PPP1R9B: variants seen among roughly 807,000 people sequenced by gnomAD.
PPP1R9B encodes protein phosphatase 1 regulatory subunit 9B.
Under a neutral mutation model 75.8 loss-of-function variants are expected in PPP1R9B, and 17 were observed. The ratio of observed to expected loss-of-function variants is 0.22; its 90% CI spans 0.15 to 0.34. The LOEUF is 0.34. Among genes scored for constraint, PPP1R9B ranks in the 10% least tolerant of loss-of-function variants. The pLI is 1.00. For missense variants in PPP1R9B, 875 were observed against 1,196.0 expected, an observed-to-expected ratio of 0.73 and a Z score of 3.96; for synonymous variants, 509 against 535.4, an observed-to-expected ratio of 0.95 and a Z score of 0.68.
At chr17:50,141,673 A>C (rs1166737924) in intron 3 of PPP1R9B, among the ~76,000 whole-genome samples, 3 of 151,796 alleles carry the variant, frequency 2.0e-5, no homozygotes, top group East Asian at 1.9e-4. Context: ...AAAAAAAAAA[A>C]AAAACAAAAA....
In PPP1R9B at chr17:50,149,593, C is replaced by T. The variant is rs755152686; in HGVS notation, c.921G>A (p.Gly307=). The T allele has an allele frequency of 2.5e-6, 4 of 1,569,806 alleles. No individual in the cohort carries two copies. Among genetic ancestry groups the T allele is most frequent in the Admixed American group, 3.6e-5 (2 of 56,162 alleles). ...KIKPVEVEES[G]ESEAESAPGE... is the part of the protein sequence containing the mutation. ...CGGGCGCCGACTCGGCCTCCGACTC[C>T]CCGCTCTCCTCCACCTCCACCGGCT... The change falls in exon 1 of 10, where the codon GGG becomes GGA. Residue 307 remains glycine, a synonymous_variant. Transcript: ENST00000612501. This position sits in a 1 kb window ranked among gnomAD's most constrained non-coding sequence, Gnocchi z 7.2.
Position 50,142,999 on chromosome 17 carries a change from TC to T in PPP1R9B, c.1625+598del, listed in dbSNP as rs35497629. On this transcript the variant is annotated intron_variant, in intron 3 of 9. Coordinates refer to ENST00000612501, the MANE Select transcript of PPP1R9B (RefSeq NM_032595.5). The surrounding 1 kb of genome is among the most constrained non-coding windows in gnomAD (Gnocchi z 4.1). ...CTCCCTCAGCACAGCTAACTCCTGC[TC>T]CAGCCTTAGCTCTCAGCTCCAGCAC... Among the ~76,000 whole-genome samples the T allele has an allele frequency of 0.18, 27,361 of 152,202 alleles. 2,731 individuals are homozygous for T. The highest frequency in any genetic ancestry group is 0.31 in the Middle Eastern group (90 of 294).
Position 50,149,085 on chromosome 17 carries a change from G to C in PPP1R9B, c.1371+58C>G. The stretch of plus-strand genomic sequence containing the variant: ...CCCGGCTGGCTGGCTGGCGAGCGGG[G>C]GCGGCCGCGTGCACGTGGCAGGGGC... On this transcript the variant is annotated intron_variant, in intron 1 of 9. Transcript: ENST00000612501. The surrounding 1 kb of genome is among the most constrained non-coding windows in gnomAD (Gnocchi z 7.2). The C allele has an allele frequency of 7.8e-7, 1 of 1,285,072 alleles. No homozygotes were observed. Among genetic ancestry groups the C allele is most frequent in the Non-Finnish European group, 1.0e-6 (1 of 985,544 alleles). The allele number at this position is 1,285,072 out of a possible 1,614,324, so 79.6% of individuals were successfully genotyped here. A position where few individuals can be genotyped will look rare whatever the true frequency, so the allele number is the denominator to read the frequency against.
chr17:50,140,730 C>A (rs931686318), intron 4 of PPP1R9B, among the ~76,000 whole-genome samples: 1 of 152,204 alleles, frequency 6.6e-6, no homozygotes, highest in African/African-American at 2.4e-5. Flanking sequence ...CATCCTGTTT[C>A]TCTCCACCAC....
At chr17:50,143,852 G>A in intron 2 of PPP1R9B, 134 bp from the exon 3 acceptor site, 1 of 1,273,686 alleles carries the variant, frequency 7.9e-7, no homozygotes, top group Non-Finnish European at 1.1e-6. Flanking sequence ...CTGAAGAAGG[G>A]ATATAGTTCT....
Position 50,139,987 on chromosome 17 carries a change from GT to G in PPP1R9B, c.1866+105del. On this transcript the variant is annotated intron_variant, in intron 5 of 9. Coordinates refer to ENST00000612501, the MANE Select transcript of PPP1R9B (RefSeq NM_032595.5). This position sits in a 1 kb window ranked among gnomAD's most constrained non-coding sequence, Gnocchi z 5.0. ...TGACTGGAGGACAGGGAATGGCACT[GT>G]GGGCTTTTTACTAGGGCAGGGGAAG... The G allele has an allele frequency of 7.9e-7, 1 of 1,271,848 alleles. No homozygotes were observed. Among genetic ancestry groups the G allele is most frequent in the East Asian group, 2.5e-5 (1 of 40,736 alleles). 78.8% of individuals were successfully genotyped at this position (1,271,848 alleles called of 1,614,324 possible).
In PPP1R9B at chr17:50,134,653, C is replaced by G. The variant is rs1269283557; in HGVS notation, c.*678G>C. 1 of 153,004 alleles carries G rather than the reference C, an allele frequency of 6.5e-6. No individual in the cohort carries two copies. The highest frequency in any genetic ancestry group is 1.5e-5 in the Non-Finnish European group (1 of 68,334). 9.5% of individuals were successfully genotyped at this position (153,004 alleles called of 1,614,324 possible). On this transcript the variant is annotated 3_prime_UTR_variant, in exon 10 of 10. Coordinates refer to ENST00000612501, the MANE Select transcript of PPP1R9B (RefSeq NM_032595.5). The stretch of plus-strand genomic sequence containing the variant: ...GGAGCTGGGGACCAGGTGTCCTGAA[C>G]TCTCCCTTTTTCCCACTCTCACTCC...
In PPP1R9B at chr17:50,149,601, C is replaced by T. The variant is rs1315290360; in HGVS notation, c.913G>A (p.Glu305Lys). Residue 305 changes from glutamate to lysine, a missense_variant, in exon 1 of 10, where the codon GAG (glutamate) becomes AAG (lysine). Physicochemically the swap from Glu to Lys is moderately conservative, Grantham distance 56. Around this residue, in one of 4 missense-constraint regions of PPP1R9B, gnomAD observed 449 missense variants for 475.0 expected, o/e 0.95. Coordinates refer to ENST00000612501, the MANE Select transcript of PPP1R9B (RefSeq NM_032595.5). The surrounding 1 kb of genome is among the most constrained non-coding windows in gnomAD (Gnocchi z 7.2). ...VRKIKPVEVE[E>K]SGESEAESAP... ...GACTCGGCCTCCGACTCCCCGCTCT[C>T]CTCCACCTCCACCGGCTTAATCTTG... is the stretch of plus-strand genomic sequence containing the variant. 3.2e-6 allele frequency: 5 copies of T among 1,559,944 alleles called. No individual in the cohort carries two copies. Among genetic ancestry groups the T allele is most frequent in the Non-Finnish European group, 4.3e-6 (5 of 1,158,034 alleles).
intron 1 of PPP1R9B, among the ~76,000 whole-genome samples, chr17:50,147,325 G>A (rs1262710732): frequency 6.6e-6 from 1 of 152,250 alleles, no homozygotes; most frequent in East Asian, 1.9e-4. Flanking sequence ...ACCTCCAGAA[G>A]GGCAACAATT....
At position 50,150,374 on chromosome 17, in the gene PPP1R9B, T is replaced by C. The variant is rs971522976; in HGVS notation, c.140A>G (p.His47Arg). ...GPDEAPKGAH[H>R]KKYGSNVHRI... Reference sequence around the variant, plus strand: ...GTGGACGTTGGAGCCATATTTCTTGTGGTGGGCCCCCTTGGGTGCCTCGTC... The same window carrying C: ...GTGGACGTTGGAGCCATATTTCTTGCGGTGGGCCCCCTTGGGTGCCTCGTC... The change falls in exon 1 of 10, where the codon CAC becomes CGC. Residue 47 changes from histidine (H) to arginine (R), a missense_variant. By Grantham distance (29) the His-to-Arg change is conservative (BLOSUM62 0). Transcript: ENST00000612501. This position sits in a 1 kb window ranked among gnomAD's most constrained non-coding sequence, Gnocchi z 8.7. 4.9e-6 allele frequency: 7 copies of C among 1,420,466 alleles called. No homozygotes were observed. The African/African-American group carries it at 7.6e-5, about 15-fold the overall frequency. 88.0% of individuals were successfully genotyped at this position (1,420,466 alleles called of 1,614,324 possible). A position where few individuals can be genotyped will look rare whatever the true frequency, so the allele number is the denominator to read the frequency against.
intron 1 of PPP1R9B, among the ~76,000 whole-genome samples, chr17:50,145,650 G>A (rs1426792544): frequency 6.7e-6 from 1 of 150,020 alleles, no homozygotes; most frequent in Non-Finnish European, 1.5e-5. Context: ...GACACAGAGA[G>A]GAAGGAACAG....
intron 1 of PPP1R9B, 142 bp from the exon 2 acceptor site, chr17:50,145,387 G>A: frequency 9.3e-7 from 1 of 1,077,406 alleles, no homozygotes; most frequent in Non-Finnish European, 1.4e-6. Flanking sequence ...CCAGTCCCCT[G>A]AGACCCCAGC....
chr17:50,149,359 C>G lies in PPP1R9B; in HGVS notation c.1155G>C (p.Glu385Asp). The G allele has an allele frequency of 6.2e-7, 1 of 1,613,340 alleles. No homozygotes were observed. The highest frequency in any genetic ancestry group is 8.5e-7 in the Non-Finnish European group (1 of 1,179,764). The change falls in exon 1 of 10, where the codon GAG (glutamate) becomes GAC (aspartate). Residue 385 changes from glutamate to aspartate, a missense_variant. Transcript: ENST00000612501. This position sits in a 1 kb window ranked among gnomAD's most constrained non-coding sequence, Gnocchi z 7.2. The stretch of plus-strand genomic sequence containing the variant: ...CCACCAAGTCCGCCTCCGAGAAGTC[C>G]TCCTTCTTGGATTCATCTACCTCCT... ...APEEVDESKKEDFSEADLVDV... is the reference protein window; with the variant it reads ...APEEVDESKKDDFSEADLVDV...
intron 2 of PPP1R9B, 104 bp downstream of exon 2, chr17:50,145,009 A>G: frequency 7.2e-7 from 1 of 1,397,200 alleles, no homozygotes; most frequent in South Asian, 1.3e-5. Context: ...AGGCCCAGCA[A>G]GTCTGTGGGA....
chr17:50,146,936 G>A (rs984615012), intron 1 of PPP1R9B, among the ~76,000 whole-genome samples: 1 of 152,154 alleles, frequency 6.6e-6, no homozygotes, highest in Admixed American at 6.5e-5. Context: ...GGCCCACTTT[G>A]CACTGGAGTC....
At chr17:50,140,311 A>C in intron 4 of PPP1R9B, 83 bp from the exon 5 acceptor site, 3 of 1,492,700 alleles carry the variant, frequency 2.0e-6, no homozygotes, top group Non-Finnish European at 2.7e-6. Context: ...CCCCTCTCCA[A>C]ACTCAGGCCC....
intron 8 of PPP1R9B, 59 bp downstream of exon 8, chr17:50,135,909 G>A: frequency 1.5e-6 from 2 of 1,315,908 alleles, no homozygotes; most frequent in Non-Finnish European, 2.1e-6. Flanking sequence ...GGGAGGGACT[G>A]TCCCCAAAAG....
Position 50,147,497 on chromosome 17 carries a change from G to A in PPP1R9B, c.1371+1646C>T, listed in dbSNP as rs193251222. ...ACACACGCTGGCTCTCACACAGGGCGGGCCAGCTCCAAAGTCACCAGGGAG... is the reference window on the plus strand; with the variant it reads ...ACACACGCTGGCTCTCACACAGGGCAGGCCAGCTCCAAAGTCACCAGGGAG... On this transcript the variant is annotated intron_variant, in intron 1 of 9. Coordinates refer to ENST00000612501, the MANE Select transcript of PPP1R9B (RefSeq NM_032595.5). Among the ~76,000 whole-genome samples the A allele has an allele frequency of 1.0e-3, 153 of 152,324 alleles. 1 individual carries two copies. Among genetic ancestry groups the A allele is most frequent in the Admixed American group, 3.0e-3 (46 of 15,304 alleles).
intron 4 of PPP1R9B, among the ~76,000 whole-genome samples, 167 bp downstream of exon 4, chr17:50,141,102 G>T (rs1171264408): frequency 6.6e-6 from 1 of 152,108 alleles, no homozygotes; most frequent in Non-Finnish European, 1.5e-5. Context: ...GAGAAGGCAG[G>T]TGTGAGGCGA....
Sources: gnomAD v4.1 joint callset for allele counts (sites outside exome capture counted in the v4.1 genomes callset) on GRCh38, gnomAD v4.1.1 for gene constraint, gnomAD v4.1.1 regional missense constraint, Gnocchi (gnomAD v3.1) non-coding constraint, MANE v1.5 for transcripts, NCBI Gene and HGNC (gene_info 2026-07-23, HGNC 2026-07-21) for gene names.